The following NEGR1 variants were observed in gnomAD, a reference collection of about 807,000 sequenced individuals.
The protein encoded by NEGR1 is IgLON family member 4.
Under a neutral mutation model 40.9 loss-of-function variants are expected in NEGR1, and 10 were observed. The observed-to-expected ratio is 0.24, with a 90% CI of 0.15 to 0.42. NEGR1 has a LOEUF of 0.42. Ranked by LOEUF, NEGR1 falls within the 10% of genes least tolerant of loss-of-function variation. The probability of loss-of-function intolerance (pLI) is 1.00; values close to 1 mark genes in which losing one functional copy is unlikely to be tolerated. For synonymous variants in NEGR1, 185 were observed against 166.8 expected, an observed-to-expected ratio of 1.11 and a Z score of -0.84; for missense variants, 352 against 438.9, an observed-to-expected ratio of 0.80 and a Z score of 1.77.
intron 1 of NEGR1, among the ~76,000 whole-genome samples, chr1:71,964,106 A>T (rs1365207): frequency 0.025 from 3,821 of 152,242 alleles, 106 homozygotes; most frequent in African/African-American, 0.068. Context: ...TCATACTATC[A>T]TTATCAATTC....
chr1:71,553,811 T>C (rs1490636993), intron 6 of NEGR1, among the ~76,000 whole-genome samples: 1 of 151,550 alleles, frequency 6.6e-6, no homozygotes, highest in African/African-American at 2.4e-5. Flanking sequence ...CTCAAATTTG[T>C]CTGAGTGTGT....
rs1011755833 is a variant in NEGR1 at position 72,198,416 on chromosome 1, A to C, written c.176+83903T>G. On this transcript the variant is annotated intron_variant, in intron 1 of 6. Transcript: ENST00000357731. ...GGAAGATGCACATTGTCCTAGCAAC[A>C]AGGTGGAAGGAGCCTGACTTTGTGA... Among the ~76,000 whole-genome samples the C allele has an allele frequency of 5.3e-5, 8 of 152,068 alleles. No homozygotes were observed. The East Asian group carries it at 1.4e-3, about 26-fold the overall frequency.
chr1:72,107,535 AT>A (rs921212122), intron 1 of NEGR1, among the ~76,000 whole-genome samples: 4 of 151,412 alleles, frequency 2.6e-5, no homozygotes, highest in African/African-American at 7.3e-5. Context: ...CTAATTTTAG[AT>A]TTTTTTTAGG....
At chr1:71,680,500 T>C (rs1652803126) in intron 4 of NEGR1, among the ~76,000 whole-genome samples, 1 of 152,162 alleles carries the variant, frequency 6.6e-6, no homozygotes, top group African/African-American at 2.4e-5. Context: ...ATGCCACAGA[T>C]AAACATTAGA....
intron 4 of NEGR1, among the ~76,000 whole-genome samples, chr1:71,655,490 C>T (rs958816544): frequency 1.3e-5 from 2 of 152,198 alleles, no homozygotes; most frequent in African/African-American, 2.4e-5. Flanking sequence ...TTTCTTCCTA[C>T]AGTGAATGCT....
chr1:71,711,416 T>C (rs1375114678), intron 3 of NEGR1, among the ~76,000 whole-genome samples: 4 of 138,678 alleles, frequency 2.9e-5, no homozygotes, highest in African/African-American at 8.1e-5. Context: ...TGCACATAAT[T>C]AGTCATTAGG....
At chr1:71,993,650 C>T (rs545505186) in intron 1 of NEGR1, among the ~76,000 whole-genome samples, 1 of 152,214 alleles carries the variant, frequency 6.6e-6, no homozygotes, top group Non-Finnish European at 1.5e-5. Flanking sequence ...CCAGGAGATG[C>T]TCAGGGCGTG....
At chr1:71,775,335 G>A (rs563232244) in intron 3 of NEGR1, among the ~76,000 whole-genome samples, 4 of 142,816 alleles carry the variant, frequency 2.8e-5, no homozygotes, top group Non-Finnish European at 4.6e-5. Flanking sequence ...TGAGTGAAAA[G>A]TATTCTTTAA....
intron 2 of NEGR1, among the ~76,000 whole-genome samples, chr1:71,902,394 C>A (rs952690663): frequency 6.6e-6 from 1 of 152,174 alleles, no homozygotes; most frequent in African/African-American, 2.4e-5. Context: ...AGGAATTTTG[C>A]ATAAAGATTA....
At chr1:72,205,950 A>T (rs1290283639) in intron 1 of NEGR1, among the ~76,000 whole-genome samples, 1 of 150,350 alleles carries the variant, frequency 6.7e-6, no homozygotes, top group African/African-American at 2.5e-5. Flanking sequence ...CTCAAAAAAA[A>T]AAAAGAAAAT....
intron 3 of NEGR1, among the ~76,000 whole-genome samples, chr1:71,751,689 A>C (rs1415072506): frequency 6.6e-6 from 1 of 152,082 alleles, no homozygotes; most frequent in Non-Finnish European, 1.5e-5. Flanking sequence ...CCTCCCAGGC[A>C]AATGTGCTAA....
chr1:71,724,091 G>A (rs1053880664), intron 3 of NEGR1, among the ~76,000 whole-genome samples: 4 of 151,850 alleles, frequency 2.6e-5, no homozygotes, highest in Admixed American at 1.3e-4. Context: ...TCTCCCTATG[G>A]GTCTCCAGTT....
At chr1:71,495,271 G>C (rs1646953974) in intron 6 of NEGR1, among the ~76,000 whole-genome samples, 1 of 151,976 alleles carries the variant, frequency 6.6e-6, no homozygotes, top group African/African-American at 2.4e-5. Context: ...TTGAGGTCAG[G>C]AGTTTGAGAC....
intron 2 of NEGR1, among the ~76,000 whole-genome samples, chr1:71,855,672 TA>T (rs1202068785): frequency 6.6e-6 from 1 of 151,954 alleles, no homozygotes; most frequent in East Asian, 1.9e-4. Context: ...GTCTTAAAAT[TA>T]ATAATGTTCT....
chr1:71,447,330 A>G (rs559057552), intron 6 of NEGR1, among the ~76,000 whole-genome samples: 1 of 152,212 alleles, frequency 6.6e-6, no homozygotes, highest in Non-Finnish European at 1.5e-5. Context: ...CCACCCAAAG[A>G]GGTCAAAGAA....
intron 6 of NEGR1, among the ~76,000 whole-genome samples, chr1:71,496,754 T>C (rs1316484642): frequency 6.6e-6 from 1 of 152,142 alleles, no homozygotes; most frequent in Non-Finnish European, 1.5e-5. Flanking sequence ...CTGGCTGAGC[T>C]GGGGGATGTG....
intron 6 of NEGR1, among the ~76,000 whole-genome samples, chr1:71,493,882 T>C (rs1557545163): frequency 6.6e-6 from 1 of 152,230 alleles, no homozygotes; most frequent in Non-Finnish European, 1.5e-5. Context: ...ACCTAAAGCA[T>C]ATCCCACATT....
At chr1:71,746,987 C>T (rs1290216248) in intron 3 of NEGR1, among the ~76,000 whole-genome samples, 2 of 152,110 alleles carry the variant, frequency 1.3e-5, no homozygotes, top group African/African-American at 4.8e-5. Flanking sequence ...GTTTTCAGTC[C>T]TCTTCCAAAA....
At chr1:71,917,971 A>G (rs1329741698) in intron 2 of NEGR1, among the ~76,000 whole-genome samples, 1 of 150,572 alleles carries the variant, frequency 6.6e-6, no homozygotes, top group East Asian at 2.0e-4. Context: ...TAATCCCAGC[A>G]CTTTGGGAGG....
Sources: allele counts gnomAD v4.1 joint callset (sites outside exome capture counted in the v4.1 genomes callset), GRCh38; gene constraint gnomAD v4.1.1; transcripts MANE v1.5; gene names NCBI Gene and HGNC (gene_info 2026-07-23, HGNC 2026-07-21).